The following EXOC4 variants were observed in gnomAD, a reference collection of about 807,000 sequenced individuals.
The protein encoded by EXOC4 is SEC8-like 1.
EXOC4 carries 71 observed loss-of-function variants against 107.2 expected under a neutral mutation model. That is an observed-to-expected ratio of 0.66 (90% CI 0.55 to 0.81). The LOEUF (loss-of-function observed/expected upper bound fraction) is 0.81, where lower values mean the gene tolerates loss of function less well. EXOC4 is among the 30% of genes least tolerant of loss of function. EXOC4 has a pLI of 0.00. For missense variants in EXOC4, 1,108 were observed against 1,189.6 expected (o/e 0.93, Z 1.01); for synonymous variants, 456 against 441.2 (o/e 1.03, Z -0.42).
At chr7:134,012,469 A>G (rs891220268) in intron 17 of EXOC4, among the ~76,000 whole-genome samples, 2 of 152,226 alleles carry the variant, frequency 1.3e-5, no homozygotes, top group African/African-American at 4.8e-5. Flanking sequence ...TGAACAATTC[A>G]AAGCATGAAG....
At chr7:133,707,725 C>T (rs1794799619) in intron 10 of EXOC4, among the ~76,000 whole-genome samples, 1 of 152,134 alleles carries the variant, frequency 6.6e-6, no homozygotes, top group African/African-American at 2.4e-5. Flanking sequence ...AAGCAATTCT[C>T]TTGCCTCAGC....
chr7:133,731,607 A>G (rs927426509), intron 10 of EXOC4, among the ~76,000 whole-genome samples: 10 of 152,202 alleles, frequency 6.6e-5, no homozygotes, highest in African/African-American at 2.4e-4. Context: ...GTGGAGTAGC[A>G]TGGAATTTGG....
At chr7:133,872,579 A>T (rs1798772699) in intron 11 of EXOC4, among the ~76,000 whole-genome samples, 1 of 152,136 alleles carries the variant, frequency 6.6e-6, no homozygotes, top group Non-Finnish European at 1.5e-5. Flanking sequence ...CTTTTCATTT[A>T]AAAAAAATCT....
At chr7:133,968,634 A>T (rs1008877411) in intron 14 of EXOC4, among the ~76,000 whole-genome samples, 3 of 150,066 alleles carry the variant, frequency 2.0e-5, no homozygotes, top group African/African-American at 7.4e-5. Context: ...TCTGGGTTGA[A>T]TTTTTTTTTT....
intron 14 of EXOC4, among the ~76,000 whole-genome samples, chr7:133,965,912 G>T (rs139023832): frequency 0.011 from 1,736 of 152,196 alleles, 29 homozygotes; most frequent in African/African-American, 0.04. Context: ...GAATTACTTT[G>T]GGCAGTATGG....
chr7:133,867,603 C>A (rs927344869), intron 11 of EXOC4, among the ~76,000 whole-genome samples: 1 of 152,156 alleles, frequency 6.6e-6, no homozygotes. Flanking sequence ...TCTCTCCCCA[C>A]CCCCAACCCC....
chr7:133,695,878 T>A (rs149787006), intron 10 of EXOC4, among the ~76,000 whole-genome samples: 180 of 152,320 alleles, frequency 1.2e-3, no homozygotes, highest in African/African-American at 4.1e-3. Context: ...AAGGGGACCA[T>A]CCAAATTCAT....
At chr7:133,971,118 T>C (rs1241411899) in intron 14 of EXOC4, among the ~76,000 whole-genome samples, 1 of 151,824 alleles carries the variant, frequency 6.6e-6, no homozygotes, top group African/African-American at 2.4e-5. Context: ...AGGCCCGGGC[T>C]TGACTTTCTG....
intron 12 of EXOC4, among the ~76,000 whole-genome samples, chr7:133,908,788 TTGA>T (rs1290023476): frequency 6.6e-6 from 1 of 152,216 alleles, no homozygotes; most frequent in East Asian, 1.9e-4. Flanking sequence ...AATTAATTCA[TTGA>T]TGATATTATT....
At chr7:133,876,221 G>GGTGT (rs10605200) in intron 11 of EXOC4, among the ~76,000 whole-genome samples, 2,707 of 147,260 alleles carry the variant, frequency 0.018, 66 homozygotes, top group African/African-American at 0.056. Context: ...AGAATGAAGA[G>GGTGT]GTGTGTGTGT....
At chr7:133,255,872 T>C (rs923143984) in intron 1 of EXOC4, among the ~76,000 whole-genome samples, 23 of 152,136 alleles carry the variant, frequency 1.5e-4, no homozygotes, top group Non-Finnish European at 2.8e-4. Flanking sequence ...CAGGAATGTA[T>C]GTTTCTTGTT....
chr7:133,451,810 T>C (rs1360379182), intron 7 of EXOC4, among the ~76,000 whole-genome samples: 1 of 152,114 alleles, frequency 6.6e-6, no homozygotes, highest in East Asian at 1.9e-4. Context: ...TTCCAGTGTG[T>C]TGGTAGGGTA....
At chr7:133,446,448 G>C (rs1213912090) in intron 7 of EXOC4, among the ~76,000 whole-genome samples, 4 of 152,216 alleles carry the variant, frequency 2.6e-5, no homozygotes, top group Non-Finnish European at 1.5e-5. Flanking sequence ...AATGAAGATA[G>C]CTTCTTCTCT....
the EXOC4 span, among the ~76,000 whole-genome samples, chr7:134,099,226 A>G: frequency 6.6e-6 from 1 of 152,138 alleles, no homozygotes; most frequent in African/African-American, 2.4e-5. Context: ...GGGACTCAGG[A>G]CATGCTACCA....
chr7:133,702,506 AT>A (rs997277293), intron 10 of EXOC4, among the ~76,000 whole-genome samples: 18 of 144,428 alleles, frequency 1.2e-4, no homozygotes, highest in East Asian at 4.1e-4. Flanking sequence ...CTTCCAGCCA[AT>A]TTTTTTTTTT....
At chr7:133,547,609 A>G (rs897779842) in intron 9 of EXOC4, among the ~76,000 whole-genome samples, 1 of 152,202 alleles carries the variant, frequency 6.6e-6, no homozygotes, top group Non-Finnish European at 1.5e-5. Context: ...AATTAAGTTT[A>G]TATAATTCTA....
intron 9 of EXOC4, among the ~76,000 whole-genome samples, chr7:133,495,546 A>G (rs1321258176): frequency 6.6e-6 from 1 of 151,842 alleles, no homozygotes; most frequent in African/African-American, 2.4e-5. Context: ...CTGATTTCTA[A>G]CTCTATCTCT....
At chr7:133,469,085 T>A (rs1798805915) in intron 7 of EXOC4, among the ~76,000 whole-genome samples, 1 of 152,184 alleles carries the variant, frequency 6.6e-6, no homozygotes, top group South Asian at 2.1e-4. Context: ...CAATATACTA[T>A]GGCTTAATGT....
intron 11 of EXOC4, among the ~76,000 whole-genome samples, chr7:133,877,095 T>TA (rs1276868037): frequency 6.6e-6 from 1 of 152,042 alleles, no homozygotes; most frequent in Non-Finnish European, 1.5e-5. Context: ...ATTTTTTTTT[T>TA]AATCATTTTT....
Sources: allele counts gnomAD v4.1 joint callset (sites outside exome capture counted in the v4.1 genomes callset), GRCh38; gene constraint gnomAD v4.1.1; transcripts MANE v1.5; gene names NCBI Gene and HGNC (gene_info 2026-07-23, HGNC 2026-07-21).